The following ASIC2 variants were observed in gnomAD, a reference collection of about 807,000 sequenced individuals.
ASIC2 encodes acid-sensing ion channel 2.
In ASIC2, 25 loss-of-function variants were observed where a neutral mutation model predicts 57.3. The observed-to-expected ratio is 0.44, with a 90% CI of 0.32 to 0.61. The LOEUF (loss-of-function observed/expected upper bound fraction) is 0.61, where lower values mean the gene tolerates loss of function less well. Among genes scored for constraint, ASIC2 ranks in the 20% least tolerant of loss-of-function variants. The pLI is 0.06. For missense variants in ASIC2, 641 were observed against 738.1 expected, an observed-to-expected ratio of 0.87 and a Z score of 1.52; for synonymous variants, 319 against 307.5, an observed-to-expected ratio of 1.04 and a Z score of -0.39.
intron 1 of ASIC2, among the ~76,000 whole-genome samples, chr17:33,489,971 A>G (rs1913701164): frequency 6.6e-6 from 1 of 152,214 alleles, no homozygotes; most frequent in African/African-American, 2.4e-5. Flanking sequence ...CCTATTCCTG[A>G]TTTAAACATT....
At chr17:33,201,873 A>G (rs1204350776) in intron 1 of ASIC2, among the ~76,000 whole-genome samples, 1 of 152,110 alleles carries the variant, frequency 6.6e-6, no homozygotes, top group African/African-American at 2.4e-5. Context: ...TTGAAAAATT[A>G]TAAAAACAAT....
intron 1 of ASIC2, among the ~76,000 whole-genome samples, chr17:33,520,059 C>T (rs1012090865): frequency 6.6e-6 from 1 of 152,174 alleles, no homozygotes; most frequent in Non-Finnish European, 1.5e-5. Flanking sequence ...CTTGCTATTC[C>T]TACCATCCAA....
Position 33,660,061 on chromosome 17 carries a change from C to T in ASIC2, c.555+495917G>A, listed in dbSNP as rs989769367. Among the ~76,000 whole-genome samples the T allele has an allele frequency of 5.3e-5, 8 of 151,622 alleles. No homozygotes were observed. The South Asian group carries it at 8.3e-4, about 16-fold the overall frequency. On this transcript the variant is annotated intron_variant, in intron 1 of 9. Transcript: ENST00000359872. ...ATCGTGCCACTGCACTCCAGCCTGG[C>T]GACAGAGTGAGACTCTGTCGCAAAA...
At position 33,662,946 on chromosome 17, in the gene ASIC2, G is replaced by A. The variant is rs72812906; in HGVS notation, c.555+493032C>T. ...TTTCAAAAGGGTTCGTATTCAACCC[G>A]GGTAGTAGTGAAATGTAAAGGGGAA... On this transcript the variant is annotated intron_variant, in intron 1 of 9. Transcript: ENST00000359872. 4.7e-3 allele frequency among the ~76,000 whole-genome samples: 713 copies of A among 152,246 alleles called. 1 individual carries two copies. The highest frequency in any genetic ancestry group is 7.4e-3 in the Non-Finnish European group (506 of 68,026).
intron 1 of ASIC2, among the ~76,000 whole-genome samples, chr17:33,475,868 C>A (rs2141922913): frequency 6.6e-6 from 1 of 152,308 alleles, no homozygotes; most frequent in South Asian, 2.1e-4. Flanking sequence ...ATCTGATGAT[C>A]TCCAGCCGCT....
intron 1 of ASIC2, among the ~76,000 whole-genome samples, chr17:34,056,075 G>A (rs1413976058): frequency 6.6e-6 from 1 of 151,966 alleles, no homozygotes. Flanking sequence ...GATAAATACG[G>A]TCAAGAATAT....
intron 1 of ASIC2, among the ~76,000 whole-genome samples, chr17:33,576,964 T>C (rs570020087): frequency 1.3e-5 from 2 of 152,314 alleles, no homozygotes; most frequent in East Asian, 3.9e-4. Flanking sequence ...TGTAATGCGC[T>C]CAAAATAGGG....
chr17:33,021,159 T>TCCTC, intron 7 of ASIC2, 60 bp downstream of exon 7: 1 of 856,614 alleles, frequency 1.2e-6, no homozygotes, highest in Non-Finnish European at 1.9e-6. Flanking sequence ...CACCTGTGCA[T>TCCTC]CCTCCCTCCC....
At chr17:34,126,125 A>G (rs1424820431) in intron 1 of ASIC2, among the ~76,000 whole-genome samples, 1 of 152,212 alleles carries the variant, frequency 6.6e-6, no homozygotes, top group African/African-American at 2.4e-5. Flanking sequence ...TAGAGGACCC[A>G]GTGGAGGACT....
chr17:33,436,636 T>A lies in ASIC2; in HGVS notation c.556-324569A>T, dbSNP rs577283636. Among the ~76,000 whole-genome samples, 3 of 152,204 alleles carry A rather than the reference T, an allele frequency of 2.0e-5. No homozygotes were observed. The East Asian group carries it at 5.8e-4, about 29-fold the overall frequency. ...CCAAATTATCCATAAAAACCCAGCCTTTGAGTCTCAGGGAGACTGACTTGA... is the reference window on the plus strand; with the variant it reads ...CCAAATTATCCATAAAAACCCAGCCATTGAGTCTCAGGGAGACTGACTTGA... On this transcript the variant is annotated intron_variant, in intron 1 of 9. Coordinates refer to the ASIC2 transcript ENST00000359872.
At position 33,078,860 on chromosome 17, in the gene ASIC2, A is replaced by G. The variant is rs571466439; in HGVS notation, c.987+10003T>C. The stretch of plus-strand genomic sequence containing the variant: ...ACACCTAACACAGTGCCTGGCACAT[A>G]GTAGGTGATCAATAAATGTCAATAT... On this transcript the variant is annotated intron_variant, in intron 3 of 9. Coordinates refer to ENST00000225823, the MANE Select transcript of ASIC2 (RefSeq NM_183377.2). Among the ~76,000 whole-genome samples, 32 of 152,376 alleles carry G rather than the reference A, an allele frequency of 2.1e-4. 1 individual carries two copies. In the South Asian group the frequency reaches 4.4e-3, roughly 21 times the overall value.
intron 1 of ASIC2, among the ~76,000 whole-genome samples, chr17:33,178,718 A>G (rs577227434): frequency 2.0e-5 from 3 of 152,288 alleles, no homozygotes; most frequent in African/African-American, 7.2e-5. Flanking sequence ...AACCTAGAGG[A>G]TCAGTTTCCA....
chr17:33,480,035 C>T (rs1283638792), intron 1 of ASIC2, among the ~76,000 whole-genome samples: 1 of 152,192 alleles, frequency 6.6e-6, no homozygotes, highest in Non-Finnish European at 1.5e-5. Context: ...GCATGCTCCT[C>T]ACTCCCAGAG....
At chr17:33,884,150 C>A (rs1914768985) in intron 1 of ASIC2, among the ~76,000 whole-genome samples, 1 of 152,240 alleles carries the variant, frequency 6.6e-6, no homozygotes, top group Non-Finnish European at 1.5e-5. Context: ...ACCATTCCAT[C>A]TGGGCTCTCT....
At chr17:33,492,231 G>T (rs1913784898) in intron 1 of ASIC2, among the ~76,000 whole-genome samples, 1 of 152,188 alleles carries the variant, frequency 6.6e-6, no homozygotes, top group Non-Finnish European at 1.5e-5. Context: ...AATTCCGTGT[G>T]GTGAGGGCTA....
At chr17:34,074,665 T>C (rs1909556772) in intron 1 of ASIC2, among the ~76,000 whole-genome samples, 1 of 152,126 alleles carries the variant, frequency 6.6e-6, no homozygotes, top group South Asian at 2.1e-4. Flanking sequence ...AAAACACGCT[T>C]AGGAAGGCAG....
chr17:33,338,354 C>T (rs554867903), intron 1 of ASIC2, among the ~76,000 whole-genome samples: 1 of 152,160 alleles, frequency 6.6e-6, no homozygotes, highest in East Asian at 1.9e-4. Context: ...ACAGGGGAGA[C>T]AGTAGAATTC....
chr17:33,532,783 A>G (rs1027696530), intron 1 of ASIC2, among the ~76,000 whole-genome samples: 9 of 152,190 alleles, frequency 5.9e-5, no homozygotes, highest in African/African-American at 1.9e-4. Flanking sequence ...TAGCCTCGAT[A>G]GAATCGATAC....
chr17:33,714,062 A>G (rs1909135284), intron 1 of ASIC2, among the ~76,000 whole-genome samples: 2 of 152,236 alleles, frequency 1.3e-5, no homozygotes, highest in South Asian at 4.1e-4. Flanking sequence ...AGTGGCTGGT[A>G]TCAAAGTAAA....
Sources: gnomAD v4.1 joint callset for allele counts (sites outside exome capture counted in the v4.1 genomes callset) on GRCh38, gnomAD v4.1.1 for gene constraint, MANE v1.5 for transcripts, NCBI Gene and HGNC (gene_info 2026-07-23, HGNC 2026-07-21) for gene names.